ZFHX4: variants seen among roughly 807,000 people sequenced by gnomAD.
ZFHX4 encodes zinc finger homeobox protein 4.
ZFHX4 carries 56 observed loss-of-function variants against 267.6 expected under a neutral mutation model. The observed-to-expected ratio is 0.21, with a 90% confidence interval of 0.17 to 0.26. The LOEUF is 0.26. ZFHX4 is among the 10% of genes least tolerant of loss of function. ZFHX4 has a pLI of 1.00. For missense variants in ZFHX4, 4,332 were observed against 4,420.0 expected (o/e 0.98, Z 0.56); for synonymous variants, 1,778 against 1,665.6 (o/e 1.07, Z -1.64).
rs376246665 is a variant in ZFHX4 at position 76,854,626 on chromosome 8, A to C, written c.7705A>C (p.Thr2569Pro). 1 of 1,613,690 alleles carries C rather than the reference A, an allele frequency of 6.2e-7. No individual in the cohort carries two copies. ...CCCTCAGGCCAGTTCCTCCCACACC[A>C]CAGCCCCCACAACGGTTGCTGCTTC... ...MPPQASSSHT[T>P]APTTVAASLK... The change falls in exon 10 of 11, where the codon ACA (threonine) becomes CCA (proline). Residue 2569 changes from threonine (T) to proline (P), a missense_variant. Thr to Pro is a conservative substitution (Grantham distance 38). Coordinates refer to ENST00000651372, the MANE Select transcript of ZFHX4 (RefSeq NM_024721.5).
In ZFHX4 at chr8:76,854,073, C is replaced by G. The variant is rs777029195; in HGVS notation, c.7152C>G (p.Gly2384=). 3 of 1,613,966 alleles carry G rather than the reference C, an allele frequency of 1.9e-6. No homozygotes were observed. The highest frequency in any genetic ancestry group is 2.2e-5 in the South Asian group (2 of 91,084). ...KNAAAPAASS[G]SGTSTPLIPS... ...CTGCTGCCCCTGCAGCAAGTTCTGG[C>G]TCTGGGACCAGCACCCCCCTGATTC... Residue 2384 remains glycine, a synonymous_variant, in exon 10 of 11, where the codon GGC becomes GGG. Coordinates refer to ENST00000651372, the MANE Select transcript of ZFHX4 (RefSeq NM_024721.5).
Position 76,832,934 on chromosome 8 carries a change from T to C in ZFHX4, c.3326-404T>C, listed in dbSNP as rs1445644823. Among the ~76,000 whole-genome samples the C allele has an allele frequency of 2.6e-5, 4 of 152,186 alleles. No homozygotes were observed. In the East Asian group the frequency reaches 5.8e-4, roughly 22 times the overall value. Reference sequence around the variant, plus strand: ...CATCAGCTATCATATACAGTAATGATATTTTTTCTTTTCTTTTTGGTAACT... The same window carrying C: ...CATCAGCTATCATATACAGTAATGACATTTTTTCTTTTCTTTTTGGTAACT... On this transcript the variant is annotated intron_variant, in intron 4 of 10. Transcript: ENST00000651372.
intron 4 of ZFHX4, among the ~76,000 whole-genome samples, chr8:76,800,464 T>C (rs2131825340): frequency 6.6e-6 from 1 of 152,282 alleles, no homozygotes; most frequent in East Asian, 1.9e-4. Context: ...AGATAGGCAT[T>C]TCCTCAGAGT....
At chr8:76,808,273 A>C (rs1325186029) in intron 4 of ZFHX4, among the ~76,000 whole-genome samples, 1 of 152,164 alleles carries the variant, frequency 6.6e-6, no homozygotes, top group African/African-American at 2.4e-5. Context: ...TGCTTTGAAA[A>C]ATAGCCCCTC....
intron 8 of ZFHX4, 114 bp from the exon 9 acceptor site, chr8:76,850,131 T>G: frequency 1.2e-6 from 1 of 823,404 alleles, no homozygotes; most frequent in African/African-American, 1.7e-5. Flanking sequence ...AAAACATCCC[T>G]GCTTTGGCTA....
In ZFHX4 at chr8:76,849,588, C is replaced by G. The variant is rs201352165; in HGVS notation, c.3722C>G (p.Ser1241Trp). Residue 1241 changes from serine to tryptophan, a missense_variant, in exon 8 of 11, where the codon TCG (serine) becomes TGG (tryptophan). Physicochemically the swap from Ser to Trp is radical, Grantham distance 177 (BLOSUM62 -3). Around this residue, in one of 7 missense-constraint regions of ZFHX4, gnomAD observed 1,371 missense variants for 1,423.1 expected, o/e 0.96. Coordinates refer to ENST00000651372, the MANE Select transcript of ZFHX4 (RefSeq NM_024721.5). ...RIQMHVLSQH[S>W]VQPVICCPLC... ...CAGATGCACGTCCTATCACAGCACT[C>G]GGTGCAGCCGGTCATCTGCTGTCCT... 5.6e-6 allele frequency: 9 copies of G among 1,613,820 alleles called. No homozygotes were observed. The highest frequency in any genetic ancestry group is 1.6e-4 in the Middle Eastern group (1 of 6,082).
chr8:76,864,814 A>C lies in ZFHX4; in HGVS notation c.*249A>C. ...ATGGAAAAGGAAAAAAAAATCTCAC[A>C]AGTTCTTTTGGAACTTGTTTCAAGC... On this transcript the variant is annotated 3_prime_UTR_variant, in exon 11 of 11. Coordinates refer to ENST00000651372, the MANE Select transcript of ZFHX4 (RefSeq NM_024721.5). 3.7e-6 allele frequency: 1 copy of C among 272,676 alleles called. No homozygotes were observed. Among genetic ancestry groups the C allele is most frequent in the Non-Finnish European group, 6.8e-6 (1 of 146,684 alleles). The allele number at this position is 272,676 out of a possible 1,614,324, so 16.9% of individuals were successfully genotyped here. A position where few individuals can be genotyped will look rare whatever the true frequency, so the allele number is the denominator to read the frequency against.
chr8:76,757,384 C>T (rs1418658088), intron 3 of ZFHX4, among the ~76,000 whole-genome samples: 1 of 152,106 alleles, frequency 6.6e-6, no homozygotes, highest in Non-Finnish European at 1.5e-5. Flanking sequence ...AGGCTAGTAA[C>T]ACATTGTTTG....
intron 10 of ZFHX4, among the ~76,000 whole-genome samples, chr8:76,860,827 A>G (rs1291680714): frequency 6.6e-6 from 1 of 152,178 alleles, no homozygotes; most frequent in Non-Finnish European, 1.5e-5. Flanking sequence ...GAAGAAACCT[A>G]AAAAATTATT....
intron 4 of ZFHX4, among the ~76,000 whole-genome samples, chr8:76,792,976 G>T (rs535379720): frequency 5.9e-5 from 9 of 152,148 alleles, no homozygotes; most frequent in African/African-American, 1.9e-4. Context: ...CCACATTGCC[G>T]TGGGGCCTTA....
At chr8:76,795,757 G>A (rs1024479077) in intron 4 of ZFHX4, among the ~76,000 whole-genome samples, 4 of 151,878 alleles carry the variant, frequency 2.6e-5, no homozygotes, top group Non-Finnish European at 4.4e-5. Context: ...GACTGGTCTC[G>A]ATCTCCTGAC....
chr8:76,863,882 T>C lies in ZFHX4; in HGVS notation c.10168T>C (p.Phe3390Leu). ...CCAGTTAGAATCCAAAAGTGCAGAC[T>C]TTTCAGACACTTACGTTGTTCCATT... ...EPQLESKSAD[F>L]SDTYVVPFVK... The change falls in exon 11 of 11, where the codon TTT (phenylalanine) becomes CTT (leucine). Residue 3390 changes from phenylalanine (F) to leucine (L), a missense_variant. Phe to Leu is a conservative substitution (Grantham distance 22). This residue lies in a region of ZFHX4 where 1,648 missense variants were observed against 1,625.0 expected (regional missense o/e 1.01). Coordinates refer to ENST00000651372, the MANE Select transcript of ZFHX4 (RefSeq NM_024721.5). 1 of 1,565,666 alleles carries C rather than the reference T, an allele frequency of 6.4e-7. No homozygotes were observed. Among genetic ancestry groups the C allele is most frequent in the Non-Finnish European group, 8.7e-7 (1 of 1,154,240 alleles).
Position 76,854,546 on chromosome 8 carries a change from C to A in ZFHX4, c.7625C>A (p.Pro2542His). ...PMDMPYMIFD[P>H]NNPLMTGQLL... ...GACATGCCCTACATGATATTTGACCCCAACAATCCGCTGATGACTGGACAA... is the reference window on the plus strand; with the variant it reads ...GACATGCCCTACATGATATTTGACCACAACAATCCGCTGATGACTGGACAA... Residue 2542 changes from proline to histidine, a missense_variant, in exon 10 of 11, where the codon CCC (proline) becomes CAC (histidine). By Grantham distance (77) the Pro-to-His change is moderately conservative (BLOSUM62 -2). Coordinates refer to ENST00000651372, the MANE Select transcript of ZFHX4 (RefSeq NM_024721.5). The A allele has an allele frequency of 6.2e-7, 1 of 1,613,798 alleles. No homozygotes were observed. The highest frequency in any genetic ancestry group is 8.5e-7 in the Non-Finnish European group (1 of 1,179,840).
In ZFHX4 at chr8:76,803,255, C is replaced by CGT. The variant is rs1271550250; in HGVS notation, c.3325+24822_3325+24823dup. On this transcript the variant is annotated intron_variant, in intron 4 of 10. Transcript: ENST00000651372. ...TCAATATTGTGTGTGTGTGCATGCG[C>CGT]GTGTGTGCGTGTGTGTGTGTGTGTG... Among the ~76,000 whole-genome samples the CGT allele has an allele frequency of 1.1e-4, 17 of 150,688 alleles. No homozygotes were observed. In the East Asian group the frequency reaches 2.3e-3, roughly 21 times the overall value.
At position 76,855,787 on chromosome 8, in the gene ZFHX4, A is replaced by G. The variant is rs1214768804; in HGVS notation, c.8866A>G (p.Met2956Val). Residue 2956 changes from methionine to valine, a missense_variant, in exon 10 of 11, where the codon ATG (methionine) becomes GTG (valine). Physicochemically the swap from Met to Val is conservative, Grantham distance 21 (BLOSUM62 1). Transcript: ENST00000651372. ...CTTTAGTGACTACCGAACTCCAACC[A>G]TGCAAGAATGTGAAATGTTAGGGAA... ...ACFSDYRTPT[M>V]QECEMLGNEI... The G allele has an allele frequency of 2.0e-5, 32 of 1,613,944 alleles. No homozygotes were observed. The highest frequency in any genetic ancestry group is 2.7e-5 in the Non-Finnish European group (32 of 1,179,864).
chr8:76,851,013 C>G lies in ZFHX4; in HGVS notation c.4092C>G (p.Ser1364Arg). ...AAGTCTCAGAATGGAATAAAAATAG[C>G]AGTAAGGATGTGAAAATCCCCGACA... The part of the protein sequence containing the change: ...PLEVSEWNKN[S>R]SKDVKIPDTL... The change falls in exon 10 of 11, where the codon AGC becomes AGG. Residue 1364 changes from serine (S) to arginine (R), a missense_variant. By Grantham distance (110) the Ser-to-Arg change is moderately radical (BLOSUM62 -1). This residue lies in a region of ZFHX4 where 1,371 missense variants were observed against 1,423.1 expected (regional missense o/e 0.96). Coordinates refer to ENST00000651372, the MANE Select transcript of ZFHX4 (RefSeq NM_024721.5). The G allele has an allele frequency of 6.2e-7, 1 of 1,613,830 alleles. No homozygotes were observed. The highest frequency in any genetic ancestry group is 8.5e-7 in the Non-Finnish European group (1 of 1,179,844).
At chr8:76,838,018 C>T (rs551570859) in intron 5 of ZFHX4, among the ~76,000 whole-genome samples, 2 of 152,238 alleles carry the variant, frequency 1.3e-5, no homozygotes, top group Non-Finnish European at 2.9e-5. Flanking sequence ...TTATTATTAA[C>T]TCCGTTTTCA....
chr8:76,843,953 G>A (rs955704299), intron 6 of ZFHX4, among the ~76,000 whole-genome samples: 10 of 152,018 alleles, frequency 6.6e-5, no homozygotes, highest in South Asian at 6.2e-4. Context: ...TGAGAAAAGC[G>A]TCACTGAGAT....
intron 3 of ZFHX4, among the ~76,000 whole-genome samples, chr8:76,759,737 A>G (rs540811766): frequency 2.5e-3 from 386 of 152,350 alleles, no homozygotes; most frequent in Non-Finnish European, 4.4e-3. Flanking sequence ...ATTTTATTCA[A>G]TTTCAAGATG....
Sources: allele counts gnomAD v4.1 joint callset (sites outside exome capture counted in the v4.1 genomes callset), GRCh38; gene constraint gnomAD v4.1.1; regional missense constraint gnomAD v4.1.1; transcripts MANE v1.5; gene names NCBI Gene and HGNC (gene_info 2026-07-23, HGNC 2026-07-21).